Variants in STK32C observed in about 807,000 individuals in gnomAD.
The protein encoded by STK32C is serine/threonine-protein kinase 32C.
Under a neutral mutation model 56.5 loss-of-function variants are expected in STK32C, and 31 were observed. The ratio of observed to expected loss-of-function variants is 0.55; its 90% CI spans 0.41 to 0.74. The LOEUF (loss-of-function observed/expected upper bound fraction) is 0.74, where lower values mean the gene tolerates loss of function less well. STK32C is among the 30% of genes least tolerant of loss of function. The pLI is 0.00. For missense variants in STK32C, 544 were observed against 676.9 expected (o/e 0.80, Z 2.18); for synonymous variants, 309 against 289.4 (o/e 1.07, Z -0.69).
rs762196423 is a variant in STK32C, at chr10:132,225,297, C to T, written c.812G>A (p.Gly271Asp). ...IFHSFVNGGT[G>D]YSFEVDWWSV... ...CCACCAGTCCACCTCGAAGGAGTAG[C>T]CGGTCCCGCCGTTGACAAAAGAGTG... is the stretch of plus-strand genomic sequence containing the variant. The change falls in exon 7 of 12, where the codon GGC (glycine) becomes GAC (aspartate). Residue 271 changes from glycine (G) to aspartate (D), a missense_variant. By Grantham distance (94) the Gly-to-Asp change is moderately conservative. Coordinates refer to ENST00000298630, the MANE Select transcript of STK32C (RefSeq NM_173575.4). 2 of 1,599,452 alleles carry T rather than the reference C, an allele frequency of 1.3e-6. No homozygotes were observed. Among genetic ancestry groups the T allele is most frequent in the Non-Finnish European group, 1.7e-6 (2 of 1,172,238 alleles).
At chr10:132,242,427 T>C (rs758966798) in intron 2 of STK32C, among the ~76,000 whole-genome samples, 15 of 152,106 alleles carry the variant, frequency 9.9e-5, no homozygotes, top group Non-Finnish European at 1.8e-4. Flanking sequence ...GCACCTGAGG[T>C]TGGGGGGGCT....
At chr10:132,318,692 C>T (rs1406470846) in intron 1 of STK32C, among the ~76,000 whole-genome samples, 9 of 151,882 alleles carry the variant, frequency 5.9e-5, no homozygotes, top group Admixed American at 3.3e-4. Context: ...GGCTACATGG[C>T]TGATACACAT....
At chr10:132,221,930 C>CCA (rs1164015844) in intron 10 of STK32C, among the ~76,000 whole-genome samples, 1 of 148,682 alleles carries the variant, frequency 6.7e-6, no homozygotes, top group Non-Finnish European at 1.5e-5. Flanking sequence ...GTGGCCATCC[C>CCA]CACACACACA....
intron 4 of STK32C, 134 bp downstream of exon 4, chr10:132,226,661 C>T (rs751733371): frequency 9.3e-5 from 97 of 1,040,860 alleles, no homozygotes; most frequent in Non-Finnish European, 1.3e-4. Flanking sequence ...TGGGGGCAGG[C>T]ACTCAGGCAA....
At chr10:132,246,817 A>G (rs2063712156) in intron 1 of STK32C, among the ~76,000 whole-genome samples, 1 of 152,142 alleles carries the variant, frequency 6.6e-6, no homozygotes, top group Non-Finnish European at 1.5e-5. Flanking sequence ...GAGCCCCTCC[A>G]GATGACTCCC....
At position 132,307,674 on chromosome 10, in the gene STK32C, G is replaced by A; in HGVS notation, c.160C>T (p.Gln54Ter). The A allele has an allele frequency of 1.3e-6, 2 of 1,530,138 alleles. No homozygotes were observed. The highest frequency in any genetic ancestry group is 1.8e-6 in the Non-Finnish European group (2 of 1,140,502). The allele number at this position is 1,530,138 out of a possible 1,614,324, so 94.8% of individuals were successfully genotyped here. The change falls in exon 1 of 12, where the codon CAG becomes TAG. Residue 54 changes from glutamine to a stop codon, truncating the protein, a stop_gained. Coordinates refer to ENST00000298630, the MANE Select transcript of STK32C (RefSeq NM_173575.4). LOFTEE classifies it high-confidence loss of function. The surrounding 1 kb of genome is among the most constrained non-coding windows in gnomAD (Gnocchi z 4.4). ...CTCCACTGAAACAGGGGGCGCGGCT[G>A]CGAGCGGACATCGCCCGAGTCCCGG... ...RARDSGDVRSQPRPLFQWSKW... is the reference protein window; with the variant it reads ...RARDSGDVRS
chr10:132,222,593 C>T (rs1250183796), intron 10 of STK32C, 48 bp downstream of exon 10: 3 of 1,597,820 alleles, frequency 1.9e-6, no homozygotes, highest in Non-Finnish European at 1.7e-6. Context: ...TAGAGAGGAG[C>T]CCCAAGCCCA....
intron 2 of STK32C, among the ~76,000 whole-genome samples, chr10:132,235,569 A>G (rs567036659): frequency 1.3e-5 from 2 of 151,240 alleles, no homozygotes; most frequent in East Asian, 3.9e-4. Context: ...TTTACAAGGG[A>G]TATTTCTAGA....
intron 1 of STK32C, among the ~76,000 whole-genome samples, chr10:132,273,530 A>G (rs534617914): frequency 6.6e-6 from 1 of 152,096 alleles, no homozygotes. Flanking sequence ...ATGGGGAGTT[A>G]GCAAATGAGT....
chr10:132,223,762 C>G (rs987167754), intron 8 of STK32C, among the ~76,000 whole-genome samples: 1 of 152,226 alleles, frequency 6.6e-6, no homozygotes, highest in South Asian at 2.1e-4. Context: ...GTGTGGCACA[C>G]TCACTCCCCT....
At chr10:132,301,318 C>T (rs2065905264) in intron 1 of STK32C, among the ~76,000 whole-genome samples, 1 of 152,224 alleles carries the variant, frequency 6.6e-6, no homozygotes, top group African/African-American at 2.4e-5. Flanking sequence ...AGCTTCCCAA[C>T]CAGGAAGAGA....
chr10:132,235,493 T>TAAAAAAA (rs1565091831), intron 2 of STK32C, among the ~76,000 whole-genome samples: 2 of 72,404 alleles, frequency 2.8e-5, no homozygotes, highest in Non-Finnish European at 5.2e-5. Flanking sequence ...AGACTCAGCC[T>TAAAAAAA]TAAAAAAAAA....
At chr10:132,315,615 A>G (rs537794846) in intron 1 of STK32C, among the ~76,000 whole-genome samples, 10 of 152,386 alleles carry the variant, frequency 6.6e-5, no homozygotes, top group South Asian at 6.2e-4. Context: ...GCACAGTCAT[A>G]GTAGTAGAGC....
intron 1 of STK32C, among the ~76,000 whole-genome samples, chr10:132,302,048 C>T (rs1047118758): frequency 5.3e-5 from 8 of 152,172 alleles, no homozygotes; most frequent in South Asian, 2.1e-4. Context: ...CTGGGTCAGC[C>T]GCATTTTCAC....
At chr10:132,315,514 A>G (rs1196006143) in intron 1 of STK32C, among the ~76,000 whole-genome samples, 1 of 152,208 alleles carries the variant, frequency 6.6e-6, no homozygotes, top group Non-Finnish European at 1.5e-5. Flanking sequence ...AAAAAAGAAT[A>G]CCTAACAATC....
intron 1 of STK32C, among the ~76,000 whole-genome samples, chr10:132,275,394 C>G (rs553348632): frequency 1.2e-4 from 18 of 152,320 alleles, no homozygotes; most frequent in South Asian, 8.3e-4. Context: ...TCTGCCCCAC[C>G]TGCCCTTGGA....
upstream of STK32C, among the ~76,000 whole-genome samples, chr10:132,312,055 G>A (rs569161371): frequency 6.6e-6 from 1 of 152,252 alleles, no homozygotes; most frequent in East Asian, 1.9e-4. Flanking sequence ...TGCCCAGACT[G>A]GAGTGCAGTG....
At chr10:132,211,991 A>C (rs2062318407) in intron 10 of STK32C, among the ~76,000 whole-genome samples, 1 of 152,052 alleles carries the variant, frequency 6.6e-6, no homozygotes, top group Admixed American at 6.6e-5. Flanking sequence ...GCTGAGACAC[A>C]GCCTCGGACC....
intron 1 of STK32C, among the ~76,000 whole-genome samples, chr10:132,306,394 T>A (rs1384007429): frequency 6.6e-6 from 1 of 152,236 alleles, no homozygotes; most frequent in Non-Finnish European, 1.5e-5. Context: ...AGTTCTGCTG[T>A]CCCGAAGTTC....
Sources: gnomAD v4.1 joint callset for allele counts (sites outside exome capture counted in the v4.1 genomes callset) on GRCh38, gnomAD v4.1.1 for gene constraint, Gnocchi (gnomAD v3.1) non-coding constraint, MANE v1.5 for transcripts, NCBI Gene and HGNC (gene_info 2026-07-23, HGNC 2026-07-21) for gene names.